Variants in AKAP19 observed in about 807,000 individuals in gnomAD.
AKAP19 encodes the protein small A-kinase anchoring protein.
chr2:190,150,852 G>C, the AKAP19 span, among the ~76,000 whole-genome samples: 1 of 149,948 alleles, frequency 6.7e-6, no homozygotes, highest in African/African-American at 2.5e-5. Flanking sequence ...CTCCAATAAT[G>C]TACTATAGGA....
chr2:189,906,556 C>T, the AKAP19 span, among the ~76,000 whole-genome samples: 1 of 152,060 alleles, frequency 6.6e-6, no homozygotes, highest in African/African-American at 2.4e-5. Flanking sequence ...AATTTACACT[C>T]TCTAGAATTT....
chr2:190,141,887 T>G, the AKAP19 span, among the ~76,000 whole-genome samples: 1 of 152,248 alleles, frequency 6.6e-6, no homozygotes, highest in African/African-American at 2.4e-5. Context: ...CGTGCTGACT[T>G]TAAGGCAGTA....
At chr2:190,106,681 T>C in the AKAP19 span, among the ~76,000 whole-genome samples, 3 of 152,130 alleles carry the variant, frequency 2.0e-5, no homozygotes, top group African/African-American at 7.2e-5. Context: ...CCAACTGAGG[T>C]ATCTTATAGC....
At chr2:189,974,276 T>C in the AKAP19 span, among the ~76,000 whole-genome samples, 5 of 152,234 alleles carry the variant, frequency 3.3e-5, no homozygotes, top group Non-Finnish European at 7.3e-5. Context: ...AGTTTCCATG[T>C]AGTTGAACGG....
chr2:190,007,686 C>T, the AKAP19 span, among the ~76,000 whole-genome samples: 56 of 152,290 alleles, frequency 3.7e-4, 1 homozygote, highest in East Asian at 7.1e-3. Flanking sequence ...GCTGGCCAGG[C>T]GCGGTGGCTT....
At chr2:189,885,124 A>G in the AKAP19 span, among the ~76,000 whole-genome samples, 9 of 152,182 alleles carry the variant, frequency 5.9e-5, no homozygotes, top group Admixed American at 5.2e-4. Context: ...TATTGTACAC[A>G]TAGGCATACC....
chr2:189,889,957 C>T, the AKAP19 span, among the ~76,000 whole-genome samples: 1 of 152,062 alleles, frequency 6.6e-6, no homozygotes, highest in South Asian at 2.1e-4. Flanking sequence ...TATTTCTGGT[C>T]TTCTGCTAGC....
the AKAP19 span, among the ~76,000 whole-genome samples, chr2:190,086,521 C>G: frequency 1.3e-5 from 2 of 152,178 alleles, no homozygotes; most frequent in African/African-American, 4.8e-5. Context: ...TGGTTGCAGT[C>G]TACACAATTT....
the AKAP19 span, among the ~76,000 whole-genome samples, chr2:189,999,004 T>C: frequency 6.6e-5 from 10 of 152,052 alleles, no homozygotes; most frequent in Non-Finnish European, 1.3e-4. Context: ...ACTCCTGGCC[T>C]CAAGTGATCT....
At chr2:190,076,266 T>C in the AKAP19 span, among the ~76,000 whole-genome samples, 1 of 152,204 alleles carries the variant, frequency 6.6e-6, no homozygotes, top group Non-Finnish European at 1.5e-5. Flanking sequence ...TTGTAAGGTG[T>C]TTAGCAGCAT....
the AKAP19 span, among the ~76,000 whole-genome samples, chr2:189,983,009 A>G: frequency 0.011 from 1,730 of 152,226 alleles, 29 homozygotes; most frequent in African/African-American, 0.04. Context: ...AGTAAGAGAT[A>G]GCTTACCCTG....
At chr2:189,998,769 TTC>T in the AKAP19 span, among the ~76,000 whole-genome samples, 259 of 77,288 alleles carry the variant, frequency 3.4e-3, 1 homozygote, top group African/African-American at 0.013. Flanking sequence ...CTTTCTTTCT[TTC>T]TTTTTTTTTT....
the AKAP19 span, among the ~76,000 whole-genome samples, chr2:190,076,126 G>A: frequency 6.6e-6 from 1 of 152,084 alleles, no homozygotes; most frequent in Admixed American, 6.5e-5. Context: ...TCTATAAAAA[G>A]CCTTAAGTAT....
At chr2:190,171,262 A>G in the AKAP19 span, among the ~76,000 whole-genome samples, 1 of 152,160 alleles carries the variant, frequency 6.6e-6, no homozygotes, top group East Asian at 1.9e-4. Context: ...TGCAATTCTC[A>G]TACTATTTAA....
At chr2:190,094,833 T>G in the AKAP19 span, among the ~76,000 whole-genome samples, 1 of 152,304 alleles carries the variant, frequency 6.6e-6, no homozygotes, top group East Asian at 1.9e-4. Flanking sequence ...ATAGATAACT[T>G]TAAGTAGGAA....
chr2:189,953,779 A>G, the AKAP19 span, among the ~76,000 whole-genome samples: 1 of 152,164 alleles, frequency 6.6e-6, no homozygotes, highest in South Asian at 2.1e-4. Flanking sequence ...CACGTAAGTT[A>G]AGTGATTTTC....
the AKAP19 span, among the ~76,000 whole-genome samples, chr2:190,028,264 G>C: frequency 3.9e-5 from 6 of 152,010 alleles, no homozygotes; most frequent in Non-Finnish European, 8.8e-5. Flanking sequence ...TTGTTTGAGG[G>C]GGATAAGCAT....
At chr2:189,977,491 ACAATTT>A in the AKAP19 span, among the ~76,000 whole-genome samples, 1 of 152,230 alleles carries the variant, frequency 6.6e-6, no homozygotes, top group South Asian at 2.1e-4. Flanking sequence ...GACTGATATT[ACAATTT>A]CAAATATTGA....
the AKAP19 span, among the ~76,000 whole-genome samples, chr2:189,891,293 G>A: frequency 5.8e-5 from 8 of 136,828 alleles, no homozygotes; most frequent in South Asian, 4.6e-4. Flanking sequence ...GTGTGATCTC[G>A]GCTCACTGCA....
Sources: allele counts gnomAD v4.1 joint callset (sites outside exome capture counted in the v4.1 genomes callset), GRCh38; gene constraint gnomAD v4.1.1; transcripts MANE v1.5; gene names NCBI Gene and HGNC (gene_info 2026-07-23, HGNC 2026-07-21).